The following C16orf89 variants were observed in gnomAD, a reference collection of about 807,000 sequenced individuals.
C16orf89 encodes the protein UPF0764 protein C16orf89.
Under a neutral mutation model 41.5 loss-of-function variants are expected in C16orf89, and 57 were observed. The observed-to-expected ratio is 1.38, with a 90% confidence interval of 1.11 to 1.71. C16orf89 has a LOEUF of 1.71. Among genes scored for constraint, C16orf89 ranks in the 40% most tolerant of loss-of-function variants. The pLI is 0.00. For missense variants in C16orf89, 575 were observed against 445.9 expected (o/e 1.29, Z -2.61); for synonymous variants, 223 against 190.6 (o/e 1.17, Z -1.40).
intron 6 of C16orf89, among the ~76,000 whole-genome samples, chr16:5,053,021 G>T (rs1956426033): frequency 6.6e-6 from 1 of 152,146 alleles, no homozygotes; most frequent in Non-Finnish European, 1.5e-5. Flanking sequence ...AGTAAGCCAG[G>T]CATGGAAAGA....
intron 7 of C16orf89, among the ~76,000 whole-genome samples, chr16:5,046,501 C>G (rs918325575): frequency 6.6e-6 from 1 of 152,014 alleles, no homozygotes; most frequent in Non-Finnish European, 1.5e-5. Context: ...CAGGCATGCA[C>G]CACCACGCCT....
chr16:5,063,742 A>G (rs958783038), intron 1 of C16orf89, among the ~76,000 whole-genome samples: 12 of 152,170 alleles, frequency 7.9e-5, no homozygotes, highest in Admixed American at 7.9e-4. Flanking sequence ...CCCAGACGGG[A>G]TTATCTACTT....
chr16:5,053,083 T>C (rs1451517304), intron 6 of C16orf89, among the ~76,000 whole-genome samples: 1 of 152,164 alleles, frequency 6.6e-6, no homozygotes, highest in African/African-American at 2.4e-5. Context: ...GTTGATCTCA[T>C]AGAAGTGCAG....
intron 6 of C16orf89, among the ~76,000 whole-genome samples, chr16:5,048,563 C>T (rs2142608537): frequency 6.6e-6 from 1 of 152,164 alleles, no homozygotes; most frequent in Non-Finnish European, 1.5e-5. Context: ...AATGGAAGTC[C>T]CTCCAAGATA....
chr16:5,060,738 G>A (rs1429028517), intron 2 of C16orf89, among the ~76,000 whole-genome samples: 6 of 152,070 alleles, frequency 3.9e-5, no homozygotes, highest in African/African-American at 1.2e-4. Context: ...CAGGGCTCAC[G>A]CCTGTCATCC....
chr16:5,046,686 G>C (rs1473712209), intron 7 of C16orf89, among the ~76,000 whole-genome samples: 1 of 152,122 alleles, frequency 6.6e-6, no homozygotes, highest in African/African-American at 2.4e-5. Context: ...TGAAATCAAA[G>C]TCCTCTCTTT....
intron 6 of C16orf89, among the ~76,000 whole-genome samples, chr16:5,052,421 C>T (rs1956415032): frequency 6.6e-6 from 1 of 152,082 alleles, no homozygotes; most frequent in Non-Finnish European, 1.5e-5. Flanking sequence ...GAAACTCTGT[C>T]TCTACAAAAA....
intron 7 of C16orf89, among the ~76,000 whole-genome samples, chr16:5,045,540 G>A (rs1214408354): frequency 6.6e-6 from 1 of 152,162 alleles, no homozygotes; most frequent in Non-Finnish European, 1.5e-5. Flanking sequence ...CCCCAGCCAG[G>A]TCCGTTGAAG....
At chr16:5,059,546 T>G (rs910731226) in intron 3 of C16orf89, among the ~76,000 whole-genome samples, 3 of 152,118 alleles carry the variant, frequency 2.0e-5, no homozygotes, top group Non-Finnish European at 4.4e-5. Flanking sequence ...AATCCAGCTG[T>G]GTCCTGGCCT....
At position 5,065,688 on chromosome 16, in the gene C16orf89, G is replaced by T. The variant is rs1488679733; in HGVS notation, c.208+13C>A. ...TTCCCAGTGTCCAGCCAGAGGAATT[G>T]GGGCTCACTCACCTTCCAGCACTCG... On this transcript the variant is annotated intron_variant, in intron 1 of 7. Transcript: ENST00000472572. The T allele has an allele frequency of 1.2e-6, 2 of 1,606,018 alleles. No homozygotes were observed. The highest frequency in any genetic ancestry group is 3.3e-5 in the Admixed American group (2 of 59,950).
chr16:5,044,160 G>T lies in C16orf89; in HGVS notation c.*188C>A. Reference sequence around the variant, plus strand: ...AACTTTATTCATCCGTTCACACCTGGGTCCCTCCCGGCCCCCACCTACCCT... The same window carrying T: ...AACTTTATTCATCCGTTCACACCTGTGTCCCTCCCGGCCCCCACCTACCCT... On this transcript the variant is annotated 3_prime_UTR_variant, in exon 8 of 8. Coordinates refer to ENST00000472572, the MANE Select transcript of C16orf89 (RefSeq NM_001098514.3). 2 of 1,349,770 alleles carry T rather than the reference G, an allele frequency of 1.5e-6. No homozygotes were observed. Among genetic ancestry groups the T allele is most frequent in the Non-Finnish European group, 1.9e-6 (2 of 1,055,104 alleles). The allele number at this position is 1,349,770 out of a possible 1,614,324, so 83.6% of individuals were successfully genotyped here. A position where few individuals can be genotyped will look rare whatever the true frequency, so the allele number is the denominator to read the frequency against.
chr16:5,044,618 G>A (rs1196540783), intron 7 of C16orf89, 140 bp from the exon 8 acceptor site: 1 of 1,444,310 alleles, frequency 6.9e-7, no homozygotes, highest in South Asian at 1.2e-5. Context: ...GAGGTGGGCG[G>A]ATCTCTTGAG....
chr16:5,064,244 A>C (rs1956689544), intron 1 of C16orf89, among the ~76,000 whole-genome samples: 1 of 152,238 alleles, frequency 6.6e-6, no homozygotes, highest in Non-Finnish European at 1.5e-5. Context: ...ATTGCTTTCC[A>C]CAAAACCAGT....
At chr16:5,055,785 G>T (rs1444908242) in intron 5 of C16orf89, 4 of 1,480,374 alleles carry the variant, frequency 2.7e-6, no homozygotes, top group South Asian at 1.2e-5. Context: ...AGTTACATTT[G>T]AGTTTTCGAT....
intron 6 of C16orf89, among the ~76,000 whole-genome samples, chr16:5,048,541 G>A (rs1956343306): frequency 6.6e-6 from 1 of 152,146 alleles, no homozygotes; most frequent in Non-Finnish European, 1.5e-5. Context: ...ACCACTGGAG[G>A]TGCCTGTTAA....
intron 4 of C16orf89, among the ~76,000 whole-genome samples, chr16:5,057,983 C>T (rs1322000918): frequency 6.6e-6 from 1 of 152,048 alleles, no homozygotes; most frequent in African/African-American, 2.4e-5. Context: ...ATGCCAGATC[C>T]CAAATCGGCT....
At chr16:5,060,263 A>C in intron 3 of C16orf89, 23 bp downstream of exon 3, 1 of 1,584,760 alleles carries the variant, frequency 6.3e-7, no homozygotes, top group East Asian at 2.3e-5. Context: ...GTTTCCAGCA[A>C]ATAGGGCAAG....
chr16:5,054,704 G>A (rs1956457344), intron 6 of C16orf89, among the ~76,000 whole-genome samples: 1 of 152,154 alleles, frequency 6.6e-6, no homozygotes, highest in Admixed American at 6.5e-5. Flanking sequence ...ATGTGCTGTG[G>A]GAGGGACCTG....
intron 5 of C16orf89, 157 bp from the exon 6 acceptor site, chr16:5,055,507 T>C: frequency 1.1e-6 from 1 of 949,254 alleles, no homozygotes; most frequent in East Asian, 2.6e-5. Flanking sequence ...AGCTTGAGCC[T>C]TTGCCTGACC....
Sources: gnomAD v4.1 joint callset for allele counts (sites outside exome capture counted in the v4.1 genomes callset) on GRCh38, gnomAD v4.1.1 for gene constraint, MANE v1.5 for transcripts, NCBI Gene and HGNC (gene_info 2026-07-23, HGNC 2026-07-21) for gene names.